Variants in DENND1A observed in about 807,000 individuals in gnomAD.
The protein encoded by DENND1A is DENN domain containing 1A.
In DENND1A, 51 loss-of-function variants were observed where a neutral mutation model predicts 113.7. That is an observed-to-expected ratio of 0.45 (90% CI 0.36 to 0.57). The LOEUF (loss-of-function observed/expected upper bound fraction) is 0.57. Among genes scored for constraint, DENND1A ranks in the 20% least tolerant of loss-of-function variants. The probability of loss-of-function intolerance (pLI) is 0.00; values close to 1 mark genes in which losing one functional copy is unlikely to be tolerated. For missense variants in DENND1A, 1,258 were observed against 1,395.9 expected (o/e 0.90, Z 1.57); for synonymous variants, 565 against 570.8 (o/e 0.99, Z 0.14).
At chr9:123,691,967 T>C (rs1262389865) in intron 5 of DENND1A, among the ~76,000 whole-genome samples, 1 of 152,146 alleles carries the variant, frequency 6.6e-6, no homozygotes, top group Non-Finnish European at 1.5e-5. Flanking sequence ...AGGCAGAGGG[T>C]TGCCTGCTTC....
At chr9:123,918,032 T>C (rs1252807063) in intron 1 of DENND1A, among the ~76,000 whole-genome samples, 4 of 150,152 alleles carry the variant, frequency 2.7e-5, no homozygotes, top group African/African-American at 9.8e-5. Context: ...GAGAATAGCG[T>C]GAGCCCGGAA....
In DENND1A at chr9:123,764,650, CTCTGTCCAT is replaced by C. The variant is rs1177556773; in HGVS notation, c.182+4855_182+4863del. On this transcript the variant is annotated intron_variant, in intron 4 of 23. Coordinates refer to ENST00000394215, the MANE Select transcript of DENND1A (RefSeq NM_001352964.2). This position sits in a 1 kb window ranked among gnomAD's most constrained non-coding sequence, Gnocchi z 4.1. ...TCACCAGACAATTCTAAGAGCAGAGCTCTGTCCATTCCCTCTACATGAGCCTGACAAAGT... is the reference window on the plus strand; with the variant it reads ...TCACCAGACAATTCTAAGAGCAGAGCTCCCTCTACATGAGCCTGACAAAGT... 6.6e-6 allele frequency among the ~76,000 whole-genome samples: 1 copy of C among 152,190 alleles called. No homozygotes were observed. Among genetic ancestry groups the C allele is most frequent in the Non-Finnish European group, 1.5e-5 (1 of 68,042 alleles).
intron 2 of DENND1A, among the ~76,000 whole-genome samples, chr9:123,874,043 A>G (rs1191505008): frequency 6.6e-6 from 1 of 152,120 alleles, no homozygotes; most frequent in African/African-American, 2.4e-5. Context: ...ACCCGGCCCT[A>G]TCTATCCCTT....
At chr9:123,903,797 G>A (rs1373813243) in intron 1 of DENND1A, among the ~76,000 whole-genome samples, 1 of 152,164 alleles carries the variant, frequency 6.6e-6, no homozygotes, top group African/African-American at 2.4e-5. Context: ...GCTGGGGGAG[G>A]GGCGCCCGCC....
rs555884107 is a variant in DENND1A at position 123,387,209 on chromosome 9, T to A, written c.1760+521A>T. Among the ~76,000 whole-genome samples the A allele has an allele frequency of 5.9e-5, 9 of 152,346 alleles. No homozygotes were observed. In the South Asian group the frequency reaches 1.9e-3, roughly 32 times the overall value. On this transcript the variant is annotated intron_variant, in intron 22 of 23. Transcript: ENST00000394215. ...GGTGGGTGAAACTTTTAAAAATCGC[T>A]ACTTGTAATTGGTATGAGGCTTAGG...
intron 2 of DENND1A, among the ~76,000 whole-genome samples, chr9:123,836,208 A>G (rs1841025880): frequency 6.6e-6 from 1 of 152,174 alleles, no homozygotes; most frequent in African/African-American, 2.4e-5. Context: ...AATTTACCTC[A>G]GTATGTCCAG....
In DENND1A at chr9:123,489,768, T is replaced by C. The variant is rs114557431; in HGVS notation, c.994-31871A>G. On this transcript the variant is annotated intron_variant, in intron 13 of 23. Transcript: ENST00000394215. The stretch of plus-strand genomic sequence containing the variant: ...ACAGCACAAGCTGGTGTCAGTGAGA[T>C]AACTGGAGAAACTCAGTCTCCTTAT... Among the ~76,000 whole-genome samples the C allele has an allele frequency of 6.1e-3, 934 of 152,300 alleles. 11 individuals are homozygous for C. Among genetic ancestry groups the C allele is most frequent in the African/African-American group, 0.021 (863 of 41,560 alleles).
intron 2 of DENND1A, among the ~76,000 whole-genome samples, chr9:123,800,721 T>G (rs991463073): frequency 2.0e-5 from 3 of 152,170 alleles, no homozygotes; most frequent in African/African-American, 7.2e-5. Context: ...GTTCAGGATA[T>G]AAATAAAATG....
intron 3 of DENND1A, among the ~76,000 whole-genome samples, chr9:123,782,188 T>A (rs915683237): frequency 6.6e-6 from 1 of 152,228 alleles, no homozygotes; most frequent in Admixed American, 6.5e-5. Flanking sequence ...ATCTGAAAGC[T>A]ATTTCTCAAT....
At chr9:123,919,358 G>C (rs1855801586) in intron 1 of DENND1A, among the ~76,000 whole-genome samples, 1 of 151,728 alleles carries the variant, frequency 6.6e-6, no homozygotes, top group African/African-American at 2.4e-5. Flanking sequence ...TGTAATCCCA[G>C]CTACTGGGGA....
Position 123,382,190 on chromosome 9 carries a change from G to T in DENND1A, c.2455C>A (p.Pro819Thr). Residue 819 changes from proline (P) to threonine (T), a missense_variant, in exon 24 of 24, where the codon CCC becomes ACC. By Grantham distance (38) the Pro-to-Thr change is conservative (BLOSUM62 -1). Around this residue, in one of 2 missense-constraint regions of DENND1A, gnomAD observed 1,159 missense variants for 1,231.7 expected, o/e 0.94. Coordinates refer to ENST00000394215, the MANE Select transcript of DENND1A (RefSeq NM_001352964.2). The stretch of plus-strand genomic sequence containing the variant: ...TGGAGCAGTTCAGTGGGGCCTTGGG[G>T]GACAACACCAGGCAGGAGCCCTGGA... ...LSPGLLPGVV[P>T]QGPTELLQPL... The T allele has an allele frequency of 6.2e-7, 1 of 1,609,756 alleles. No homozygotes were observed. The highest frequency in any genetic ancestry group is 8.5e-7 in the Non-Finnish European group (1 of 1,179,496).
chr9:123,472,375 A>T (rs1432746936), intron 13 of DENND1A, among the ~76,000 whole-genome samples: 1 of 152,114 alleles, frequency 6.6e-6, no homozygotes, highest in African/African-American at 2.4e-5. Flanking sequence ...CACAGCGAGG[A>T]GCTGTGTCAC....
At chr9:123,686,080 G>A (rs1362499078) in intron 5 of DENND1A, among the ~76,000 whole-genome samples, 5 of 151,918 alleles carry the variant, frequency 3.3e-5, no homozygotes, top group Admixed American at 1.3e-4. Flanking sequence ...AAAAATCAAT[G>A]ATCCCAGTCA....
chr9:123,455,101 C>T (rs560399415), intron 15 of DENND1A, among the ~76,000 whole-genome samples: 8 of 152,328 alleles, frequency 5.3e-5, no homozygotes, highest in East Asian at 1.9e-4. Flanking sequence ...GGATTACAGT[C>T]GTGAGCCACC....
chr9:123,894,575 CA>C (rs1850422308), intron 1 of DENND1A, among the ~76,000 whole-genome samples: 1 of 152,194 alleles, frequency 6.6e-6, no homozygotes, highest in African/African-American at 2.4e-5. Context: ...TCCTGATTAT[CA>C]GCGGATAGGA....
chr9:123,388,880 G>A (rs2042700500), intron 21 of DENND1A, among the ~76,000 whole-genome samples: 1 of 152,198 alleles, frequency 6.6e-6, no homozygotes, highest in Non-Finnish European at 1.5e-5. Flanking sequence ...TGCTTGGTGT[G>A]AGCAGACCCG....
At chr9:123,825,658 A>G (rs750927838) in intron 2 of DENND1A, among the ~76,000 whole-genome samples, 1 of 152,268 alleles carries the variant, frequency 6.6e-6, no homozygotes, top group Non-Finnish European at 1.5e-5. Flanking sequence ...GAGAAAATGC[A>G]TATCTTAAAA....
intron 16 of DENND1A, 54 bp from the exon 17 acceptor site, chr9:123,452,401 CCAA>C (rs1400356764): frequency 2.0e-5 from 28 of 1,366,408 alleles, no homozygotes; most frequent in Non-Finnish European, 2.8e-5. Flanking sequence ...TCATCCAACA[CCAA>C]CAAAGACTGC....
chr9:123,832,106 G>T (rs1033304343), intron 2 of DENND1A, among the ~76,000 whole-genome samples: 2 of 152,100 alleles, frequency 1.3e-5, no homozygotes, highest in Admixed American at 6.5e-5. Context: ...ATAAAATTAT[G>T]ATGTCAATTA....
Sources: allele counts gnomAD v4.1 joint callset (sites outside exome capture counted in the v4.1 genomes callset), GRCh38; gene constraint gnomAD v4.1.1; regional missense constraint gnomAD v4.1.1; non-coding constraint Gnocchi (gnomAD v3.1); transcripts MANE v1.5; gene names NCBI Gene and HGNC (gene_info 2026-07-23, HGNC 2026-07-21).